The following STRN variants were observed in gnomAD, a reference collection of about 807,000 sequenced individuals.
The protein encoded by STRN is striatin, also known as protein phosphatase 2 regulatory subunit B'''alpha.
In STRN, 53 loss-of-function variants were observed where a neutral mutation model predicts 96.3. That is an observed-to-expected ratio of 0.55 (90% CI 0.44 to 0.69). The LOEUF is 0.69. Ranked by LOEUF, STRN falls within the 30% of genes least tolerant of loss-of-function variation. STRN has a pLI of 0.00. For synonymous variants in STRN, 428 were observed against 355.9 expected, an observed-to-expected ratio of 1.20 and a Z score of -2.28; for missense variants, 987 against 963.9, an observed-to-expected ratio of 1.02 and a Z score of -0.32.
intron 1 of STRN, among the ~76,000 whole-genome samples, chr2:36,946,937 C>CT (rs1671000979): frequency 6.6e-6 from 1 of 152,030 alleles, no homozygotes; most frequent in Admixed American, 6.6e-5. Context: ...GCTCTGTCAC[C>CT]TAGGCTGGAG....
At chr2:36,920,553 T>G (rs944597258) in intron 2 of STRN, among the ~76,000 whole-genome samples, 10 of 150,736 alleles carry the variant, frequency 6.6e-5, no homozygotes, top group African/African-American at 2.4e-4. Flanking sequence ...CAGGATAATC[T>G]CTTGAACTCG....
chr2:36,948,855 T>C (rs894382950), intron 1 of STRN, among the ~76,000 whole-genome samples: 3 of 152,182 alleles, frequency 2.0e-5, no homozygotes, highest in Admixed American at 1.3e-4. Flanking sequence ...ATAAAGAATA[T>C]ATAAATCTAC....
chr2:36,964,254 T>A (rs1268390409), intron 1 of STRN, among the ~76,000 whole-genome samples: 1 of 150,302 alleles, frequency 6.7e-6, no homozygotes. Flanking sequence ...TTCTGGTGTG[T>A]GTGTGTGTTT....
chr2:36,919,815 T>G (rs1400690275), intron 2 of STRN, among the ~76,000 whole-genome samples: 1 of 152,182 alleles, frequency 6.6e-6, no homozygotes, highest in Admixed American at 6.5e-5. Flanking sequence ...CAGAATTGTA[T>G]TTATATAGTA....
At chr2:36,956,726 C>T (rs984932770) in intron 1 of STRN, among the ~76,000 whole-genome samples, 1 of 152,122 alleles carries the variant, frequency 6.6e-6, no homozygotes, top group Non-Finnish European at 1.5e-5. Context: ...CTCCCTTTAC[C>T]ATTCAAAGAA....
At chr2:36,923,188 G>A (rs113133223) in intron 2 of STRN, among the ~76,000 whole-genome samples, 2 of 148,098 alleles carry the variant, frequency 1.4e-5, no homozygotes, top group East Asian at 2.0e-4. Flanking sequence ...ATTCGCTCAC[G>A]CCTGTAATCC....
chr2:36,919,767 G>C (rs937617633), intron 2 of STRN, among the ~76,000 whole-genome samples: 4 of 152,180 alleles, frequency 2.6e-5, no homozygotes, highest in African/African-American at 4.8e-5. Context: ...AAAAGTAGCA[G>C]TGAATAGAGA....
intron 13 of STRN, among the ~76,000 whole-genome samples, chr2:36,859,293 CA>C (rs766609790): frequency 3.3e-5 from 5 of 151,996 alleles, no homozygotes; most frequent in Admixed American, 2.0e-4. Context: ...TTTCAGCAGA[CA>C]AAAAGAGTGA....
Position 36,855,277 on chromosome 2 carries a change from T to C in STRN, c.1913A>G (p.Tyr638Cys). ...TGTTTCCATGTTAAAAATGCTTGTA[T>C]ATCCCTTGCTGAATGATGCTACCAT... ...SHMVASFSKG[Y>C]TSIFNMETQQ... The change falls in exon 15 of 18, where the codon TAT becomes TGT. Residue 638 changes from tyrosine (Y) to cysteine (C), a missense_variant. Physicochemically the swap from Tyr to Cys is radical, Grantham distance 194 (BLOSUM62 -2). Transcript: ENST00000263918. 1 of 1,613,980 alleles carries C rather than the reference T, an allele frequency of 6.2e-7. No homozygotes were observed. Among genetic ancestry groups the C allele is most frequent in the Non-Finnish European group, 8.5e-7 (1 of 1,179,864 alleles).
rs1220829568 is a variant in STRN, at chr2:36,847,887, A to G, written c.*1569T>C. On this transcript the variant is annotated 3_prime_UTR_variant, in exon 18 of 18. Transcript: ENST00000263918. ...GTAGAAATTGTTTTAATTGGTTAAAATATCTATAGATTTAATATTTTTAAA... is the reference window on the plus strand; with the variant it reads ...GTAGAAATTGTTTTAATTGGTTAAAGTATCTATAGATTTAATATTTTTAAA... 1 of 152,202 alleles carries G rather than the reference A, an allele frequency of 6.6e-6. No homozygotes were observed. The allele number at this position is 152,202 out of a possible 1,614,324, so 9.4% of individuals were successfully genotyped here. A position where few individuals can be genotyped will look rare whatever the true frequency, so the allele number is the denominator to read the frequency against.
At chr2:36,965,492 C>A (rs1232978683) in intron 1 of STRN, among the ~76,000 whole-genome samples, 1 of 152,226 alleles carries the variant, frequency 6.6e-6, no homozygotes, top group East Asian at 1.9e-4. Context: ...ACAAGAAAAT[C>A]TCCCAAAACA....
intron 1 of STRN, among the ~76,000 whole-genome samples, chr2:36,930,031 A>G (rs74889082): frequency 5.3e-5 from 8 of 152,224 alleles, no homozygotes; most frequent in East Asian, 1.9e-4. Flanking sequence ...TCTATAAACT[A>G]TATCTATTCC....
intron 15 of STRN, among the ~76,000 whole-genome samples, chr2:36,852,905 G>A (rs1340742084): frequency 2.6e-5 from 4 of 151,990 alleles, no homozygotes; most frequent in Non-Finnish European, 4.4e-5. Context: ...ACCTGTAATC[G>A]CAGCACTTTA....
At chr2:36,871,076 C>CTTTA (rs1668749989) in intron 10 of STRN, among the ~76,000 whole-genome samples, 1 of 152,092 alleles carries the variant, frequency 6.6e-6, no homozygotes, top group Admixed American at 6.6e-5. Flanking sequence ...TGTGTTTGTG[C>CTTTA]TTTAAGCTGT....
At chr2:36,857,476 A>G (rs1490489572) in intron 14 of STRN, among the ~76,000 whole-genome samples, 2 of 151,864 alleles carry the variant, frequency 1.3e-5, no homozygotes, top group African/African-American at 4.8e-5. Flanking sequence ...GGAGTTCCAG[A>G]CCAGCCTGGC....
chr2:36,955,329 G>A (rs1664858503), intron 1 of STRN, among the ~76,000 whole-genome samples: 1 of 152,142 alleles, frequency 6.6e-6, no homozygotes. Flanking sequence ...TAAATTCTAA[G>A]GTCCCTCTGA....
At chr2:36,941,162 A>G (rs1432485639) in intron 1 of STRN, among the ~76,000 whole-genome samples, 1 of 152,224 alleles carries the variant, frequency 6.6e-6, no homozygotes, top group Non-Finnish European at 1.5e-5. Flanking sequence ...GTCTCAAAAC[A>G]AAGGAAGTAA....
chr2:36,918,588 A>T (rs1248749131), intron 2 of STRN, among the ~76,000 whole-genome samples: 3 of 152,172 alleles, frequency 2.0e-5, no homozygotes, highest in African/African-American at 7.2e-5. Flanking sequence ...AAATAAATAT[A>T]ACAAAAACTG....
At chr2:36,893,837 TA>T in intron 7 of STRN, 60 bp downstream of exon 7, 1 of 1,529,062 alleles carries the variant, frequency 6.5e-7, no homozygotes, top group Middle Eastern at 1.7e-4. Context: ...GCCCTCCTGG[TA>T]AAATATTAAT....
Sources: gnomAD v4.1 joint callset for allele counts (sites outside exome capture counted in the v4.1 genomes callset) on GRCh38, gnomAD v4.1.1 for gene constraint, MANE v1.5 for transcripts, NCBI Gene and HGNC (gene_info 2026-07-23, HGNC 2026-07-21) for gene names.